CREBBP: variants seen among roughly 807,000 people sequenced by gnomAD.
The protein encoded by CREBBP is CREB binding lysine acetyltransferase.
CREBBP carries 19 observed loss-of-function variants against 265.0 expected under a neutral mutation model. The ratio of observed to expected loss-of-function variants is 0.07; its 90% CI spans 0.05 to 0.11. The LOEUF is 0.11. Among genes scored for constraint, CREBBP ranks in the 10% least tolerant of loss-of-function variants. The pLI is 1.00. For missense variants in CREBBP, 2,525 were observed against 3,219.0 expected, an observed-to-expected ratio of 0.78 and a Z score of 5.22; for synonymous variants, 1,457 against 1,223.7, an observed-to-expected ratio of 1.19 and a Z score of -3.98.
chr16:3,856,126 TTTTA>T (rs1363306948), intron 1 of CREBBP, among the ~76,000 whole-genome samples: 2 of 152,106 alleles, frequency 1.3e-5, no homozygotes, highest in East Asian at 1.9e-4. Context: ...AATAACAACA[TTTTA>T]TTTTTTATTT....
In CREBBP at chr16:3,879,824, C is replaced by CT. The variant is rs2055488593; in HGVS notation, c.85+7dup. On this transcript the variant is annotated splice_region_variant and intron_variant, in intron 1 of 30. Transcript: ENST00000262367. Reference sequence around the variant, plus strand: ...CCGGGCCCCCGCCGCCCCGGACCCCCTCCTCACCTGTGCTGTCATTCGCCG... The same window carrying CT: ...CCGGGCCCCCGCCGCCCCGGACCCCCTTCCTCACCTGTGCTGTCATTCGCCG... The CT allele has an allele frequency of 1.9e-6, 3 of 1,599,792 alleles. No individual in the cohort carries two copies. The highest frequency in any genetic ancestry group is 1.3e-5 in the African/African-American group (1 of 74,732).
At chr16:3,873,602 G>A (rs540295330) in intron 1 of CREBBP, among the ~76,000 whole-genome samples, 5 of 152,272 alleles carry the variant, frequency 3.3e-5, no homozygotes, top group East Asian at 3.9e-4. Flanking sequence ...CCCATTGGGC[G>A]GATATGCCAG....
chr16:3,827,352 G>C (rs1400633612), intron 2 of CREBBP, among the ~76,000 whole-genome samples: 1 of 152,074 alleles, frequency 6.6e-6, no homozygotes, highest in Non-Finnish European at 1.5e-5. Flanking sequence ...CATAATGTAA[G>C]AAAAATATTT....
chr16:3,833,384 C>G (rs1431958097), intron 2 of CREBBP, among the ~76,000 whole-genome samples: 1 of 152,180 alleles, frequency 6.6e-6, no homozygotes. Flanking sequence ...TGCACTTCAG[C>G]TTGGGCTACA....
chr16:3,880,328 C>A lies in CREBBP; in HGVS notation c.-412G>T, dbSNP rs974091522. ...CCGCCGCCGCCGCCGCCTCGCTCCC[C>A]CCCCGCGCCCCACTTAATGAATTCG... On this transcript the variant is annotated 5_prime_UTR_variant, in exon 1 of 31. Coordinates refer to ENST00000262367, the MANE Select transcript of CREBBP (RefSeq NM_004380.3). 6.9e-6 allele frequency: 1 copy of A among 144,038 alleles called. No homozygotes were observed. Among genetic ancestry groups the A allele is most frequent in the East Asian group, 2.0e-4 (1 of 4,926 alleles). 8.9% of individuals were successfully genotyped at this position (144,038 alleles called of 1,614,324 possible). A position where few individuals can be genotyped will look rare whatever the true frequency, so the allele number is the denominator to read the frequency against.
intron 1 of CREBBP, among the ~76,000 whole-genome samples, chr16:3,862,012 A>T (rs938134294): frequency 6.6e-6 from 1 of 152,188 alleles, no homozygotes; most frequent in Non-Finnish European, 1.5e-5. Context: ...GAAGGAAGCG[A>T]GTCACTGCTC....
At position 3,737,943 on chromosome 16, in the gene CREBBP, A is replaced by G. The variant is rs568021487; in HGVS notation, c.4394+616T>C. On this transcript the variant is annotated intron_variant, in intron 26 of 30. Coordinates refer to ENST00000262367, the MANE Select transcript of CREBBP (RefSeq NM_004380.3). The stretch of plus-strand genomic sequence containing the variant: ...GCTGGGATTACAGGCTCATGCTACT[A>G]TGCCCGGCTAACTTTTGTATTTTTA... Among the ~76,000 whole-genome samples the G allele has an allele frequency of 4.6e-5, 7 of 150,622 alleles. No individual in the cohort carries two copies. The East Asian group carries it at 1.2e-3, about 26-fold the overall frequency.
In CREBBP at chr16:3,879,819, A is replaced by G. The variant is rs2141615749; in HGVS notation, c.85+13T>C. The G allele has an allele frequency of 6.5e-7, 1 of 1,548,412 alleles. No homozygotes were observed. The highest frequency in any genetic ancestry group is 8.8e-7 in the Non-Finnish European group (1 of 1,133,588). Reference sequence around the variant, plus strand: ...GCGCCCCGGGCCCCCGCCGCCCCGGACCCCCTCCTCACCTGTGCTGTCATT... The same window carrying G: ...GCGCCCCGGGCCCCCGCCGCCCCGGGCCCCCTCCTCACCTGTGCTGTCATT... On this transcript the variant is annotated intron_variant, in intron 1 of 30. Coordinates refer to ENST00000262367, the MANE Select transcript of CREBBP (RefSeq NM_004380.3).
At chr16:3,750,355 T>C (rs987840017) in intron 20 of CREBBP, among the ~76,000 whole-genome samples, 25 of 152,146 alleles carry the variant, frequency 1.6e-4, no homozygotes, top group African/African-American at 5.8e-4. Flanking sequence ...ACAAAGAAAA[T>C]GGTAGAGCGT....
chr16:3,823,435 G>A (rs117461844), intron 2 of CREBBP, among the ~76,000 whole-genome samples: 9 of 152,314 alleles, frequency 5.9e-5, no homozygotes, highest in Non-Finnish European at 1.0e-4. Context: ...AACCTGTCAA[G>A]CTTTGCTCGA....
At chr16:3,835,101 G>A (rs1157005486) in intron 2 of CREBBP, among the ~76,000 whole-genome samples, 4 of 152,168 alleles carry the variant, frequency 2.6e-5, no homozygotes, top group Non-Finnish European at 4.4e-5. Context: ...GGAGGTTGCA[G>A]TGAGCCGAGA....
intron 5 of CREBBP, among the ~76,000 whole-genome samples, chr16:3,790,677 T>C (rs1190626987): frequency 3.3e-5 from 5 of 152,158 alleles, no homozygotes; most frequent in South Asian, 4.1e-4. Context: ...AGGAAACTCG[T>C]TGTGGTTCTT....
chr16:3,738,493 C>T (rs777124048), intron 26 of CREBBP, 66 bp downstream of exon 26: 6 of 961,906 alleles, frequency 6.2e-6, no homozygotes, highest in South Asian at 2.7e-5. Context: ...CATTATTTCA[C>T]GGAATAAACA....
intron 21 of CREBBP, among the ~76,000 whole-genome samples, chr16:3,746,214 A>G (rs1049600434): frequency 2.0e-5 from 3 of 152,212 alleles, no homozygotes; most frequent in African/African-American, 4.8e-5. Context: ...CAGCTCCTCT[A>G]AAGTGTGCCC....
chr16:3,845,522 T>C (rs1176937391), intron 2 of CREBBP, among the ~76,000 whole-genome samples: 1 of 152,104 alleles, frequency 6.6e-6, no homozygotes, highest in Non-Finnish European at 1.5e-5. Flanking sequence ...ACTAAGATGA[T>C]TATAACAAGA....
chr16:3,857,267 A>G (rs1474461083), intron 1 of CREBBP, among the ~76,000 whole-genome samples: 1 of 152,028 alleles, frequency 6.6e-6, no homozygotes, highest in Non-Finnish European at 1.5e-5. Flanking sequence ...TTTTCATCCT[A>G]TTTCAGTCCA....
chr16:3,762,727 C>T (rs1321469823), intron 16 of CREBBP, among the ~76,000 whole-genome samples: 2 of 152,172 alleles, frequency 1.3e-5, no homozygotes, highest in East Asian at 1.9e-4. Context: ...TTTTACCAAA[C>T]GAATAATATT....
At chr16:3,838,736 A>G (rs2054506379) in intron 2 of CREBBP, among the ~76,000 whole-genome samples, 1 of 152,198 alleles carries the variant, frequency 6.6e-6, no homozygotes, top group African/African-American at 2.4e-5. Context: ...AAAAGTTGAT[A>G]TAGGATTTTG....
At chr16:3,861,174 C>A (rs570309996) in intron 1 of CREBBP, among the ~76,000 whole-genome samples, 1 of 152,062 alleles carries the variant, frequency 6.6e-6, no homozygotes, top group East Asian at 1.9e-4. Context: ...CCCAGCTACT[C>A]GGGAAGCTGA....
Sources: allele counts gnomAD v4.1 joint callset (sites outside exome capture counted in the v4.1 genomes callset), GRCh38; gene constraint gnomAD v4.1.1; transcripts MANE v1.5; gene names NCBI Gene and HGNC (gene_info 2026-07-23, HGNC 2026-07-21).